Variants in ST18 observed in about 807,000 individuals in gnomAD.
The protein encoded by ST18 is ST18 C2H2C-type zinc finger transcription factor, also known as suppression of tumorigenicity 18 protein.
ST18 carries 50 observed loss-of-function variants against 110.0 expected under a neutral mutation model. The observed-to-expected ratio is 0.45, with a 90% CI of 0.36 to 0.58. The LOEUF is 0.58. Ranked by LOEUF, ST18 falls within the 20% of genes least tolerant of loss-of-function variation. The pLI is 0.00. For missense variants in ST18, 1,306 were observed against 1,280.1 expected (o/e 1.02, Z -0.31); for synonymous variants, 461 against 452.4 (o/e 1.02, Z -0.24).
chr8:52,264,170 TG>T (rs1160472820), intron 2 of ST18, among the ~76,000 whole-genome samples: 2 of 152,178 alleles, frequency 1.3e-5, no homozygotes. Flanking sequence ...TTTAAAACAG[TG>T]ATGTTTTTCA....
At chr8:52,396,337 T>C (rs911772101) in intron 2 of ST18, among the ~76,000 whole-genome samples, 2 of 152,196 alleles carry the variant, frequency 1.3e-5, no homozygotes, top group Non-Finnish European at 2.9e-5. Context: ...TTTCTGTATG[T>C]ATCTTATGTA....
chr8:52,304,136 T>C (rs2095775145), intron 2 of ST18, among the ~76,000 whole-genome samples: 1 of 152,174 alleles, frequency 6.6e-6, no homozygotes. Context: ...GAAATGAAGA[T>C]TAAAATAACT....
chr8:52,355,448 G>T (rs1013169613), intron 2 of ST18, among the ~76,000 whole-genome samples: 2 of 152,160 alleles, frequency 1.3e-5, no homozygotes, highest in Non-Finnish European at 2.9e-5. Context: ...AAACAGGCTG[G>T]TATGTTCTCA....
chr8:52,408,132 A>T (rs964932080), intron 2 of ST18, among the ~76,000 whole-genome samples: 1 of 152,234 alleles, frequency 6.6e-6, no homozygotes, highest in Non-Finnish European at 1.5e-5. Context: ...GTTATTTTTG[A>T]ATAACATCAA....
At chr8:52,212,820 C>T (rs1017003094) in intron 7 of ST18, among the ~76,000 whole-genome samples, 9 of 152,062 alleles carry the variant, frequency 5.9e-5, no homozygotes, top group Non-Finnish European at 1.3e-4. Flanking sequence ...GGTGTTCATG[C>T]CTGTGCCAGA....
At chr8:52,307,925 A>G (rs899465112) in intron 2 of ST18, among the ~76,000 whole-genome samples, 1 of 152,242 alleles carries the variant, frequency 6.6e-6, no homozygotes, top group Non-Finnish European at 1.5e-5. Context: ...CACGTGTACA[A>G]TGAAGTGAAG....
Position 52,217,835 on chromosome 8 carries a change from C to T in ST18, c.-90G>A, listed in dbSNP as rs1362464931. ...TACATCAGGGGCAATAAGCAGGTCTCTTCCACATCGCCCCAGTGCACAGAT... is the reference window on the plus strand; with the variant it reads ...TACATCAGGGGCAATAAGCAGGTCTTTTCCACATCGCCCCAGTGCACAGAT... On this transcript the variant is annotated 5_prime_UTR_variant, in exon 6 of 26. Transcript: ENST00000689386. 6.6e-6 allele frequency: 1 copy of T among 152,206 alleles called. No individual in the cohort carries two copies. Among genetic ancestry groups the T allele is most frequent in the Admixed American group, 6.5e-5 (1 of 15,268 alleles). The allele number at this position is 152,206 out of a possible 1,614,324, so 9.4% of individuals were successfully genotyped here. A position where few individuals can be genotyped will look rare whatever the true frequency, so the allele number is the denominator to read the frequency against.
At chr8:52,204,762 G>A (rs2079324137) in intron 8 of ST18, among the ~76,000 whole-genome samples, 1 of 152,174 alleles carries the variant, frequency 6.6e-6, no homozygotes, top group Non-Finnish European at 1.5e-5. Flanking sequence ...ATCCTCACAT[G>A]CAGCCTGCAG....
chr8:52,229,597 C>T (rs2090696611), intron 3 of ST18: 1 of 152,148 alleles, frequency 6.6e-6, no homozygotes, highest in Non-Finnish European at 1.5e-5. Flanking sequence ...TTCTGAAGGA[C>T]CATGTGATTA....
At chr8:52,234,263 T>C (rs1193588861) in intron 2 of ST18, among the ~76,000 whole-genome samples, 2 of 150,134 alleles carry the variant, frequency 1.3e-5, no homozygotes, top group Non-Finnish European at 3.0e-5. Context: ...GAACTAAAAG[T>C]AGAACTACCA....
rs554517966 is a variant in ST18, at chr8:52,168,131, C to T, written c.1070-1145G>A. 1.1e-3 allele frequency among the ~76,000 whole-genome samples: 159 copies of T among 150,972 alleles called. 1 individual carries two copies. The highest frequency in any genetic ancestry group is 3.6e-3 in the African/African-American group (148 of 41,060). ...ACCATGGGGAGAGCCTGTCCCACGG[C>T]ACTTGGGGCACGGAGAAGAAAGAGC... On this transcript the variant is annotated intron_variant, in intron 10 of 25. Transcript: ENST00000689386.
chr8:52,193,876 T>A (rs1013185328), intron 8 of ST18, among the ~76,000 whole-genome samples: 3 of 152,234 alleles, frequency 2.0e-5, no homozygotes, highest in African/African-American at 7.2e-5. Context: ...CGAGCTACAG[T>A]GTGTCCAACA....
chr8:52,313,650 A>T (rs951151829), intron 2 of ST18: 1 of 152,448 alleles, frequency 6.6e-6, no homozygotes, highest in Non-Finnish European at 1.5e-5. Flanking sequence ...CAGTGCAGCC[A>T]CCCTTGCCTG....
At chr8:52,372,429 T>G (rs1460759576) in intron 2 of ST18, among the ~76,000 whole-genome samples, 2 of 152,306 alleles carry the variant, frequency 1.3e-5, no homozygotes, top group South Asian at 4.1e-4. Context: ...GAAAAAATTT[T>G]TATACATTTA....
At chr8:52,308,871 T>C (rs2095855848) in intron 2 of ST18, among the ~76,000 whole-genome samples, 1 of 152,232 alleles carries the variant, frequency 6.6e-6, no homozygotes, top group African/African-American at 2.4e-5. Context: ...AGTTGTCTAA[T>C]GAGTGCCAAA....
chr8:52,200,383 C>T (rs980318481), intron 8 of ST18, among the ~76,000 whole-genome samples: 2 of 152,186 alleles, frequency 1.3e-5, no homozygotes. Flanking sequence ...TGCAAGTGAG[C>T]ATGTGAGACT....
chr8:52,394,288 A>C (rs957274835), intron 2 of ST18, among the ~76,000 whole-genome samples: 1 of 152,282 alleles, frequency 6.6e-6, no homozygotes, highest in Middle Eastern at 3.4e-3. Context: ...TGGTCTTGCT[A>C]TAAATTGCCC....
chr8:52,288,774 G>A (rs1589642806), intron 2 of ST18, among the ~76,000 whole-genome samples: 1 of 152,008 alleles, frequency 6.6e-6, no homozygotes, highest in East Asian at 1.9e-4. Context: ...GATAAAGATT[G>A]TGGTTATTGA....
In ST18 at chr8:52,171,963, T is replaced by C. The variant is rs145772244; in HGVS notation, c.898A>G (p.Lys300Glu). The stretch of plus-strand genomic sequence containing the variant: ...TGCTCCAGCAAACTTAAATTCCCCT[T>C]GGCCTTTTCCAGGTCACTACCCTCT... ...TEEGSDLEKA[K>E]GNLSLLEQAI... The change falls in exon 10 of 26, where the codon AAG (lysine) becomes GAG (glutamate). Residue 300 changes from lysine to glutamate, a missense_variant. Coordinates refer to ENST00000689386, the MANE Select transcript of ST18 (RefSeq NM_001352837.2). 9 of 1,614,082 alleles carry C rather than the reference T, an allele frequency of 5.6e-6. No homozygotes were observed. The African/African-American group carries it at 1.2e-4, about 22-fold the overall frequency.
Sources: gnomAD v4.1 joint callset for allele counts (sites outside exome capture counted in the v4.1 genomes callset) on GRCh38, gnomAD v4.1.1 for gene constraint, MANE v1.5 for transcripts, NCBI Gene and HGNC (gene_info 2026-07-23, HGNC 2026-07-21) for gene names.